Variants in RARS2 observed in about 807,000 individuals in gnomAD.
The protein encoded by RARS2 is probable arginine--tRNA ligase, mitochondrial.
A neutral mutation model predicts 88.5 loss-of-function variants in RARS2; 67 were observed. That is an observed-to-expected ratio of 0.76 (90% CI 0.62 to 0.93). The LOEUF (loss-of-function observed/expected upper bound fraction) is 0.93, where lower values mean the gene tolerates loss of function less well. RARS2 is among the 40% of genes least tolerant of loss of function. RARS2 has a pLI of 0.00. For synonymous variants in RARS2, 239 were observed against 230.3 expected (o/e 1.04, Z -0.34); for missense variants, 664 against 684.2 (o/e 0.97, Z 0.33).
At chr6:87,578,607 G>A (rs1057351607) in intron 1 of RARS2, among the ~76,000 whole-genome samples, 2 of 152,200 alleles carry the variant, frequency 1.3e-5, no homozygotes, top group Non-Finnish European at 2.9e-5. Context: ...GGATGGTGGT[G>A]AGGCGGGGAG....
At chr6:87,574,587 G>T (rs1262855717) in intron 1 of RARS2, among the ~76,000 whole-genome samples, 1 of 152,166 alleles carries the variant, frequency 6.6e-6, no homozygotes, top group Non-Finnish European at 1.5e-5. Flanking sequence ...AGAGAGAATA[G>T]GGAGGGAGGC....
intron 1 of RARS2, among the ~76,000 whole-genome samples, chr6:87,587,866 G>C (rs1450995059): frequency 6.6e-6 from 1 of 152,072 alleles, no homozygotes; most frequent in Non-Finnish European, 1.5e-5. Flanking sequence ...AGCCACCTGG[G>C]CCCAAACGAT....
chr6:87,584,886 G>A (rs1359422318), intron 1 of RARS2, among the ~76,000 whole-genome samples: 4 of 152,088 alleles, frequency 2.6e-5, no homozygotes, highest in Admixed American at 6.6e-5. Context: ...TAAGACAACC[G>A]AAGTCAACCC....
intron 4 of RARS2, among the ~76,000 whole-genome samples, chr6:87,562,255 C>T (rs571956325): frequency 4.6e-5 from 7 of 152,304 alleles, no homozygotes; most frequent in African/African-American, 7.2e-5. Flanking sequence ...CTACTATACG[C>T]CTAGGCTGTA....
chr6:87,522,106 A>C (rs6454632), intron 11 of RARS2, among the ~76,000 whole-genome samples: 95,110 of 151,986 alleles, frequency 0.63, 30,960 homozygotes, highest in African/African-American at 0.81. Context: ...CTAAGGCGGG[A>C]GGTTCACGAG....
chr6:87,565,315 ATTC>A (rs1391147075), intron 2 of RARS2, among the ~76,000 whole-genome samples: 1 of 152,238 alleles, frequency 6.6e-6, no homozygotes, highest in Non-Finnish European at 1.5e-5. Flanking sequence ...AAAGAAGAAT[ATTC>A]TTCTTAACAC....
intron 5 of RARS2, among the ~76,000 whole-genome samples, chr6:87,554,783 TA>T (rs569411209): frequency 1.9e-4 from 29 of 152,138 alleles, no homozygotes; most frequent in Admixed American, 1.3e-3. Flanking sequence ...TAGTAACCAT[TA>T]CCTCTGCCTT....
In RARS2 at chr6:87,528,184, T is replaced by A. The variant is rs1776357583; in HGVS notation, c.878+1358A>T. ...CACTAATCATCAGGGAAATACAAAA[T>A]TAAAACCACAATCCACAATAAGATA... On this transcript the variant is annotated intron_variant, in intron 10 of 19. Transcript: ENST00000369536. Among the ~76,000 whole-genome samples, 5 of 149,680 alleles carry A rather than the reference T, an allele frequency of 3.3e-5. No homozygotes were observed. In the East Asian group the frequency reaches 9.8e-4, roughly 29 times the overall value.
intron 10 of RARS2, among the ~76,000 whole-genome samples, chr6:87,528,769 G>A (rs1776548521): frequency 6.6e-6 from 1 of 152,160 alleles, no homozygotes; most frequent in East Asian, 1.9e-4. Flanking sequence ...AAAGTTTTAG[G>A]TAAACAGGAG....
At chr6:87,582,140 C>A (rs1194433011) in intron 1 of RARS2, among the ~76,000 whole-genome samples, 1 of 152,098 alleles carries the variant, frequency 6.6e-6, no homozygotes, top group Non-Finnish European at 1.5e-5. Flanking sequence ...GATTGCTGGG[C>A]CAGATGATAT....
chr6:87,558,512 C>A (rs1487897649), intron 4 of RARS2, among the ~76,000 whole-genome samples: 1 of 152,208 alleles, frequency 6.6e-6, no homozygotes, highest in African/African-American at 2.4e-5. Context: ...ACTGCAAAAA[C>A]AACACCTACA....
rs1013797698 is a variant in RARS2 at position 87,579,728 on chromosome 6, T to G, written c.37-10138A>C. 1.4e-4 allele frequency among the ~76,000 whole-genome samples: 16 copies of G among 117,654 alleles called. No individual in the cohort carries two copies. The East Asian group carries it at 3.0e-3, about 22-fold the overall frequency. The allele number at this position is 117,654 out of a possible 152,430, so 77.2% of individuals were successfully genotyped here. A position where few individuals can be genotyped will look rare whatever the true frequency, so the allele number is the denominator to read the frequency against. On this transcript the variant is annotated intron_variant, in intron 1 of 19. Transcript: ENST00000369536. The stretch of plus-strand genomic sequence containing the variant: ...AGCATAGAGCATGTTTTTTTTTTTT[T>G]TTTTTTTTTTTTTTTTTGAGACAGA...
intron 1 of RARS2, among the ~76,000 whole-genome samples, chr6:87,589,195 C>T (rs538798183): frequency 2.0e-5 from 3 of 152,138 alleles, no homozygotes; most frequent in African/African-American, 7.2e-5. Context: ...CTTAAAAATT[C>T]TTTTTGATTA....
At chr6:87,538,102 T>C (rs978281631) in intron 8 of RARS2, among the ~76,000 whole-genome samples, 1 of 152,210 alleles carries the variant, frequency 6.6e-6, no homozygotes, top group African/African-American at 2.4e-5. Flanking sequence ...AATTTTAAAA[T>C]GAAAACAGAG....
At position 87,530,988 on chromosome 6, in the gene RARS2, G is replaced by A. The variant is rs1364777640; in HGVS notation, c.613-46C>T. On this transcript the variant is annotated intron_variant, in intron 8 of 19. Transcript: ENST00000369536. The stretch of plus-strand genomic sequence containing the variant: ...TAAATGAAGTACATAACAGGTCATT[G>A]TTATCTCTAACACGGAAAGAAAGCA... 6 of 1,610,524 alleles carry A rather than the reference G, an allele frequency of 3.7e-6. No individual in the cohort carries two copies. The East Asian group carries it at 8.9e-5, about 24-fold the overall frequency.
At chr6:87,531,217 T>C (rs932573077) in intron 8 of RARS2, among the ~76,000 whole-genome samples, 23 of 152,314 alleles carry the variant, frequency 1.5e-4, no homozygotes, top group African/African-American at 5.5e-4. Flanking sequence ...AATTAATTTG[T>C]GATATAGTAA....
At chr6:87,586,384 C>T (rs1004668197) in intron 1 of RARS2, among the ~76,000 whole-genome samples, 10 of 152,142 alleles carry the variant, frequency 6.6e-5, no homozygotes, top group Admixed American at 5.9e-4. Flanking sequence ...TGACCTCTCC[C>T]CAAGCTCTCA....
At chr6:87,578,016 C>T (rs1772117081) in intron 1 of RARS2, among the ~76,000 whole-genome samples, 1 of 152,010 alleles carries the variant, frequency 6.6e-6, no homozygotes, top group Non-Finnish European at 1.5e-5. Flanking sequence ...AGCGCGGTGG[C>T]TCATGCCTGT....
intron 1 of RARS2, among the ~76,000 whole-genome samples, chr6:87,572,937 T>TAC (rs1267247396): frequency 2.0e-4 from 30 of 152,234 alleles, no homozygotes; most frequent in African/African-American, 6.7e-4. Flanking sequence ...TATATATACA[T>TAC]ACTCAGTAAA....
Sources: gnomAD v4.1 joint callset for allele counts (sites outside exome capture counted in the v4.1 genomes callset) on GRCh38, gnomAD v4.1.1 for gene constraint, MANE v1.5 for transcripts, NCBI Gene and HGNC (gene_info 2026-07-23, HGNC 2026-07-21) for gene names.